Variants in DENND1A observed in about 807,000 individuals in gnomAD.
DENND1A encodes DENN domain-containing protein 1A.
Under a neutral mutation model 113.7 loss-of-function variants are expected in DENND1A, and 51 were observed. The observed-to-expected ratio is 0.45, with a 90% CI of 0.36 to 0.57. DENND1A has a LOEUF of 0.57. DENND1A is among the 20% of genes least tolerant of loss of function. The pLI is 0.00. For synonymous variants in DENND1A, 565 were observed against 570.8 expected (o/e 0.99, Z 0.14); for missense variants, 1,258 against 1,395.9 (o/e 0.90, Z 1.57).
chr9:123,859,108 A>G (rs1247703789), intron 2 of DENND1A, among the ~76,000 whole-genome samples: 1 of 152,238 alleles, frequency 6.6e-6, no homozygotes, highest in Non-Finnish European at 1.5e-5. Context: ...CCTACCATAC[A>G]GTATGTGCAC....
intron 12 of DENND1A, among the ~76,000 whole-genome samples, chr9:123,562,669 A>C (rs1249446036): frequency 6.6e-6 from 1 of 152,198 alleles, no homozygotes; most frequent in South Asian, 2.1e-4. Context: ...ATCCTTTATA[A>C]AAAAGCATAT....
intron 1 of DENND1A, among the ~76,000 whole-genome samples, chr9:123,929,540 T>C (rs1857652082): frequency 1.3e-5 from 2 of 151,978 alleles, no homozygotes; most frequent in South Asian, 4.1e-4. Flanking sequence ...TGCCCAAACA[T>C]GGGGAGGTGC....
chr9:123,582,403 CTT>C (rs1239970444), intron 12 of DENND1A, among the ~76,000 whole-genome samples: 15 of 144,094 alleles, frequency 1.0e-4, no homozygotes, highest in Admixed American at 6.9e-5. Context: ...TTCTAACTTT[CTT>C]TTTTTTTTTT....
chr9:123,602,809 A>G (rs1007443274), intron 11 of DENND1A, among the ~76,000 whole-genome samples: 5 of 152,188 alleles, frequency 3.3e-5, no homozygotes, highest in Middle Eastern at 3.2e-3. Flanking sequence ...AGCTGGAACT[A>G]TAGCTGTGTG....
rs185851271 is a variant in DENND1A at position 123,910,950 on chromosome 9, A to G, written c.17+18939T>C. On this transcript the variant is annotated intron_variant, in intron 1 of 23. Transcript: ENST00000394215. ...GAAGCAAGACTCCATCTCAAAAACA[A>G]AAACAAAAACAAGCACTATTAAGTG... Among the ~76,000 whole-genome samples the G allele has an allele frequency of 3.9e-5, 6 of 152,342 alleles. No individual in the cohort carries two copies. In the South Asian group the frequency reaches 8.3e-4, roughly 21 times the overall value.
At chr9:123,789,930 A>G (rs997175371) in intron 3 of DENND1A, among the ~76,000 whole-genome samples, 2 of 152,040 alleles carry the variant, frequency 1.3e-5, no homozygotes, top group African/African-American at 4.8e-5. Context: ...CACTATATGT[A>G]AAAACAAGCA....
chr9:123,721,424 TCCTGTCCCA>T (rs1209509803), intron 5 of DENND1A, among the ~76,000 whole-genome samples: 1 of 152,200 alleles, frequency 6.6e-6, no homozygotes, highest in Admixed American at 6.6e-5. Context: ...TCTCTCCCAT[TCCTGTCCCA>T]CCTCCCCATC....
chr9:123,536,466 C>CAA (rs549789129), intron 13 of DENND1A, among the ~76,000 whole-genome samples: 4,093 of 91,660 alleles, frequency 0.045, 235 homozygotes, highest in African/African-American at 0.15. Flanking sequence ...ACTCTGTCTC[C>CAA]AAAAAAAAAA....
At chr9:123,538,809 C>CATATATATATATATAT (rs35223887) in intron 13 of DENND1A, among the ~76,000 whole-genome samples, 2 of 22,472 alleles carry the variant, frequency 8.9e-5, no homozygotes, top group African/African-American at 1.9e-4. Context: ...ACAACTCATA[C>CATATATATATATATAT]ATATATATAT....
intron 12 of DENND1A, among the ~76,000 whole-genome samples, chr9:123,572,116 C>T (rs1047894105): frequency 7.9e-5 from 12 of 152,204 alleles, no homozygotes; most frequent in Admixed American, 1.3e-4. Flanking sequence ...TACAGACGGT[C>T]CATCATCCCC....
chr9:123,414,785 C>T (rs950887094), intron 19 of DENND1A, among the ~76,000 whole-genome samples: 4 of 152,170 alleles, frequency 2.6e-5, no homozygotes, highest in Non-Finnish European at 5.9e-5. Flanking sequence ...TTCAGGGCCC[C>T]GCCATCCACC....
intron 2 of DENND1A, among the ~76,000 whole-genome samples, chr9:123,843,926 G>A (rs895725578): frequency 1.3e-5 from 2 of 152,024 alleles, no homozygotes; most frequent in African/African-American, 4.8e-5. Context: ...TCCAAAAATA[G>A]ATTAATGTAA....
intron 2 of DENND1A, among the ~76,000 whole-genome samples, chr9:123,821,001 G>C (rs1838371490): frequency 6.6e-6 from 1 of 152,174 alleles, no homozygotes. Flanking sequence ...AAATATTTTA[G>C]AACAGTTTGA....
chr9:123,810,569 A>C (rs980991013), intron 2 of DENND1A, among the ~76,000 whole-genome samples: 4 of 150,052 alleles, frequency 2.7e-5, no homozygotes, highest in Non-Finnish European at 5.9e-5. Flanking sequence ...AAAAAAAAAA[A>C]CAAACATACT....
chr9:123,886,123 T>C, intron 1 of DENND1A, among the ~76,000 whole-genome samples: 1 of 152,030 alleles, frequency 6.6e-6, no homozygotes, highest in Non-Finnish European at 1.5e-5. Context: ...CTTGAAGCCA[T>C]GAAATAGACA....
chr9:123,428,800 A>G (rs2045928604), intron 19 of DENND1A, among the ~76,000 whole-genome samples: 1 of 152,218 alleles, frequency 6.6e-6, no homozygotes, highest in Non-Finnish European at 1.5e-5. Context: ...CAATTGCTAC[A>G]AAAGAATAAA....
chr9:123,830,102 A>C (rs1276079601), intron 2 of DENND1A, among the ~76,000 whole-genome samples: 1 of 152,202 alleles, frequency 6.6e-6, no homozygotes, highest in Non-Finnish European at 1.5e-5. Context: ...GTTCATCCAA[A>C]TGGATAAGCA....
chr9:123,846,633 G>C (rs1452561372), intron 2 of DENND1A, among the ~76,000 whole-genome samples: 3 of 152,208 alleles, frequency 2.0e-5, no homozygotes, highest in Non-Finnish European at 4.4e-5. Context: ...ACTTATATGA[G>C]GAAACTAGAA....
intron 5 of DENND1A, among the ~76,000 whole-genome samples, chr9:123,742,279 T>G (rs2131115899): frequency 6.6e-6 from 1 of 152,072 alleles, no homozygotes; most frequent in Non-Finnish European, 1.5e-5. Context: ...GCTGGCAACT[T>G]TCACTGACTA....
Sources: gnomAD v4.1 joint callset for allele counts (sites outside exome capture counted in the v4.1 genomes callset) on GRCh38, gnomAD v4.1.1 for gene constraint, MANE v1.5 for transcripts, NCBI Gene and HGNC (gene_info 2026-07-23, HGNC 2026-07-21) for gene names.